ERI1: variants seen among roughly 807,000 people sequenced by gnomAD.
The protein encoded by ERI1 is exoribonuclease 1.
In ERI1, 39 loss-of-function variants were observed where a neutral mutation model predicts 39.7. That is an observed-to-expected ratio of 0.98 (90% CI 0.76 to 1.28). The LOEUF (loss-of-function observed/expected upper bound fraction) is 1.28. ERI1 is among the 50% of genes most tolerant of loss of function. The pLI, the probability that ERI1 is intolerant of heterozygous loss-of-function variation, is 0.00. For synonymous variants in ERI1, 204 were observed against 149.6 expected (o/e 1.36, Z -2.65); for missense variants, 581 against 416.9 (o/e 1.39, Z -3.43).
chr8:9,057,402 G>A (rs1013136508), intron 3 of ERI1, among the ~76,000 whole-genome samples: 11 of 152,150 alleles, frequency 7.2e-5, no homozygotes, highest in Admixed American at 3.9e-4. Context: ...AGAATGAAAC[G>A]CACTAGGGAC....
intron 6 of ERI1, among the ~76,000 whole-genome samples, chr8:9,024,272 G>C (rs1476975200): frequency 6.6e-6 from 1 of 152,200 alleles, no homozygotes; most frequent in Non-Finnish European, 1.5e-5. Flanking sequence ...TAAAAATACA[G>C]TTTAAGACAG....
At chr8:9,014,959 C>T (rs1817070847) in intron 3 of ERI1, among the ~76,000 whole-genome samples, 1 of 152,058 alleles carries the variant, frequency 6.6e-6, no homozygotes, top group Admixed American at 6.6e-5. Flanking sequence ...CACCTCAGCT[C>T]CTTGAGTAGT....
chr8:9,090,525 G>A (rs1000593526), intron 3 of ERI1, among the ~76,000 whole-genome samples: 4 of 152,308 alleles, frequency 2.6e-5, no homozygotes, highest in East Asian at 3.9e-4. Flanking sequence ...AGTAGAATAC[G>A]TTGGAATTAC....
Position 9,030,193 on chromosome 8 carries a change from T to C in ERI1, c.*159T>C, listed in dbSNP as rs994360467. 3.2e-5 allele frequency: 31 copies of C among 961,048 alleles called. No homozygotes were observed. Among genetic ancestry groups the C allele is most frequent in the Middle Eastern group, 3.3e-4 (1 of 3,018 alleles). The allele number at this position is 961,048 out of a possible 1,614,324, so 59.5% of individuals were successfully genotyped here. A position where few individuals can be genotyped will look rare whatever the true frequency, so the allele number is the denominator to read the frequency against. On this transcript the variant is annotated 3_prime_UTR_variant, in exon 7 of 7. Coordinates refer to ENST00000250263, the MANE Select transcript of ERI1 (RefSeq NM_153332.4). ...ATAGATACATGTATGTGAACAGATT[T>C]TGTAGGAAGGCATACTGAATTCTTT...
chr8:9,010,669 T>G (rs911093907), intron 2 of ERI1, among the ~76,000 whole-genome samples: 3 of 152,194 alleles, frequency 2.0e-5, no homozygotes, highest in Admixed American at 6.5e-5. Context: ...CCATTTCATA[T>G]TTGCAGGCCA....
chr8:9,044,721 CAG>C, intron 3 of ERI1, among the ~76,000 whole-genome samples: 1 of 152,042 alleles, frequency 6.6e-6, no homozygotes, highest in Non-Finnish European at 1.5e-5. Flanking sequence ...GTTGAAGAAA[CAG>C]AAACACAGAA....
At chr8:9,005,554 G>A (rs1256848953) in intron 1 of ERI1, among the ~76,000 whole-genome samples, 2 of 125,470 alleles carry the variant, frequency 1.6e-5, no homozygotes, top group Non-Finnish European at 3.2e-5. Context: ...TCTCTCTGTT[G>A]CCCAGGCTGG....
chr8:9,003,183 A>AC lies in ERI1; in HGVS notation c.108+15dup, dbSNP rs1815553847. ...GTCCCAGTCCCGAGGTGAGGAGTCG[A>AC]CCCGCGCCTGGCTGTTGGCGCCAGC... On this transcript the variant is annotated intron_variant, in intron 1 of 6. Coordinates refer to ENST00000250263, the MANE Select transcript of ERI1 (RefSeq NM_153332.4). The AC allele has an allele frequency of 8.1e-7, 1 of 1,238,166 alleles. No homozygotes were observed. The highest frequency in any genetic ancestry group is 1.6e-5 in the African/African-American group (1 of 64,510). The allele number at this position is 1,238,166 out of a possible 1,614,324, so 76.7% of individuals were successfully genotyped here. A position where few individuals can be genotyped will look rare whatever the true frequency, so the allele number is the denominator to read the frequency against.
Position 9,032,360 on chromosome 8 carries a change from CAT to C in ERI1, c.*2328_*2329del, listed in dbSNP as rs1797647475. ...TATGCTTCATATGCTCTGACATTGACATAGTGGATTTCTGCTGATTTTTTTCA... is the reference window on the plus strand; with the variant it reads ...TATGCTTCATATGCTCTGACATTGACAGTGGATTTCTGCTGATTTTTTTCA... On this transcript the variant is annotated 3_prime_UTR_variant, in exon 7 of 7. Coordinates refer to ENST00000250263, the MANE Select transcript of ERI1 (RefSeq NM_153332.4). The C allele has an allele frequency of 1.3e-5, 2 of 152,156 alleles. No homozygotes were observed. Among genetic ancestry groups the C allele is most frequent in the South Asian group, 2.1e-4 (1 of 4,836 alleles). The allele number at this position is 152,156 out of a possible 1,614,324, so 9.4% of individuals were successfully genotyped here. A position where few individuals can be genotyped will look rare whatever the true frequency, so the allele number is the denominator to read the frequency against.
In ERI1 at chr8:9,018,352, G is replaced by A. The variant is rs1452025187; in HGVS notation, c.638G>A (p.Trp213Ter). Residue 213 changes from tryptophan (W) to a stop codon, truncating the protein, a stop_gained, in exon 5 of 7, where the codon TGG becomes TAG. Transcript: ENST00000250263. LOFTEE classifies it high-confidence loss of function. ...FPQVLKKVID[W>*]MKLKELGTKY... is the part of the protein sequence containing the mutation. ...CAGGTACTAAAAAAAGTAATTGACT[G>A]GATGAAATTGAAGGAATTAGGAACA... 1 of 1,612,248 alleles carries A rather than the reference G, an allele frequency of 6.2e-7. No homozygotes were observed.
chr8:9,041,386 C>T (rs1308086980), intron 3 of ERI1, among the ~76,000 whole-genome samples: 1 of 152,138 alleles, frequency 6.6e-6, no homozygotes, highest in Non-Finnish European at 1.5e-5. Flanking sequence ...GGCATACACG[C>T]TCTTCTCATC....
intron 5 of ERI1, among the ~76,000 whole-genome samples, chr8:9,018,656 C>CT (rs1309352129): frequency 6.6e-6 from 1 of 152,178 alleles, no homozygotes; most frequent in Non-Finnish European, 1.5e-5. Flanking sequence ...TGCTAAAACT[C>CT]TGTTTTTTCA....
intron 1 of ERI1, chr8:9,004,025 C>G: frequency 8.0e-7 from 1 of 1,245,670 alleles, no homozygotes; most frequent in South Asian, 1.2e-5. Flanking sequence ...CGGGTGCCTG[C>G]CTCCCTTGGT....
chr8:9,005,910 C>T (rs188500681), intron 1 of ERI1, among the ~76,000 whole-genome samples: 138 of 152,276 alleles, frequency 9.1e-4, no homozygotes, highest in African/African-American at 3.1e-3. Context: ...TAATATAAAC[C>T]ATACATCCAC....
In ERI1 at chr8:9,030,364, AT is replaced by A. The variant is rs200010608; in HGVS notation, c.*331del. On this transcript the variant is annotated 3_prime_UTR_variant, in exon 7 of 7. Transcript: ENST00000250263. ...TATTGGCTGTTCTGTTGAATGTCAT[AT>A]CTTACTGGTGTTTAAATATGTAATG... 697 of 245,178 alleles carry A rather than the reference AT, an allele frequency of 2.8e-3. 6 individuals carry two copies. The highest frequency in any genetic ancestry group is 0.014 in the African/African-American group (633 of 46,162). 15.2% of individuals were successfully genotyped at this position (245,178 alleles called of 1,614,324 possible).
chr8:9,005,579 G>C lies in ERI1; in HGVS notation c.109-2391G>C, dbSNP rs1481455738. ...GCCCAGGCTGGAGTGCAGCGGCTCA[G>C]TCTCGGCTCGCTGCAAGCTCCGCCT... On this transcript the variant is annotated intron_variant, in intron 1 of 6. Transcript: ENST00000250263. Among the ~76,000 whole-genome samples, 3 of 148,708 alleles carry C rather than the reference G, an allele frequency of 2.0e-5. No individual in the cohort carries two copies. In the Admixed American group the frequency reaches 2.0e-4, roughly 10 times the overall value.
At chr8:9,052,980 C>A (rs577533471) in intron 3 of ERI1, among the ~76,000 whole-genome samples, 114 of 152,262 alleles carry the variant, frequency 7.5e-4, no homozygotes, top group African/African-American at 2.5e-3. Flanking sequence ...AGATTGAGTT[C>A]AATCACTAGT....
intron 6 of ERI1, among the ~76,000 whole-genome samples, chr8:9,026,159 A>T (rs552172594): frequency 6.6e-6 from 1 of 152,288 alleles, no homozygotes; most frequent in South Asian, 2.1e-4. Flanking sequence ...TTGTGACGTT[A>T]TGTTGGCCCT....
Position 9,032,903 on chromosome 8 carries a change from T to G in ERI1, c.*2869T>G, listed in dbSNP as rs563606872. On this transcript the variant is annotated 3_prime_UTR_variant, in exon 7 of 7. Coordinates refer to ENST00000250263, the MANE Select transcript of ERI1 (RefSeq NM_153332.4). ...AGTCTGAGAAGGATGTATTGTACTT[T>G]GAAGGAAGACTTTCCATTTCTAAGC... 9.2e-5 allele frequency: 14 copies of G among 152,314 alleles called. No individual in the cohort carries two copies. In the South Asian group the frequency reaches 2.9e-3, roughly 32 times the overall value. 9.4% of individuals were successfully genotyped at this position (152,314 alleles called of 1,614,324 possible). A position where few individuals can be genotyped will look rare whatever the true frequency, so the allele number is the denominator to read the frequency against.
Sources: gnomAD v4.1 joint callset for allele counts (sites outside exome capture counted in the v4.1 genomes callset) on GRCh38, gnomAD v4.1.1 for gene constraint, MANE v1.5 for transcripts, NCBI Gene and HGNC (gene_info 2026-07-23, HGNC 2026-07-21) for gene names.